The following TMEM132D variants were observed in gnomAD, a reference collection of about 807,000 sequenced individuals.
TMEM132D encodes transmembrane protein 132D.
TMEM132D carries 21 observed loss-of-function variants against 62.3 expected under a neutral mutation model. That is an observed-to-expected ratio of 0.34 (90% CI 0.24 to 0.49). The LOEUF (loss-of-function observed/expected upper bound fraction) is 0.49. Among genes scored for constraint, TMEM132D ranks in the 20% least tolerant of loss-of-function variants. The pLI is 0.99. For missense variants in TMEM132D, 1,346 were observed against 1,402.8 expected, an observed-to-expected ratio of 0.96 and a Z score of 0.65; for synonymous variants, 621 against 575.6, an observed-to-expected ratio of 1.08 and a Z score of -1.13.
At chr12:129,597,234 A>G (rs1412538251) in intron 2 of TMEM132D, among the ~76,000 whole-genome samples, 1 of 152,184 alleles carries the variant, frequency 6.6e-6, no homozygotes, top group East Asian at 1.9e-4. Flanking sequence ...TACAATCAAG[A>G]TAGGAGAGGA....
chr12:129,817,420 T>C (rs1401898543), intron 1 of TMEM132D, among the ~76,000 whole-genome samples: 1 of 150,944 alleles, frequency 6.6e-6, no homozygotes, highest in East Asian at 2.0e-4. Context: ...ATGGAGAGCA[T>C]GGAGAAATAA....
At chr12:129,846,919 C>T (rs548775614) in intron 1 of TMEM132D, among the ~76,000 whole-genome samples, 12 of 152,282 alleles carry the variant, frequency 7.9e-5, no homozygotes, top group Admixed American at 4.6e-4. Flanking sequence ...CATGAGTCGA[C>T]TTCTGCCCCC....
chr12:129,770,361 C>T (rs1365480178), intron 1 of TMEM132D, among the ~76,000 whole-genome samples: 2 of 152,102 alleles, frequency 1.3e-5, no homozygotes, highest in Non-Finnish European at 2.9e-5. Context: ...CCAGGCTGAT[C>T]TCAAACTCCT....
At chr12:129,473,405 C>T (rs1405769494) in intron 3 of TMEM132D, among the ~76,000 whole-genome samples, 2 of 128,754 alleles carry the variant, frequency 1.6e-5, no homozygotes, top group Non-Finnish European at 1.6e-5. Context: ...TCTCGGCTCA[C>T]TGCAACCTCC....
chr12:129,195,219 C>G (rs761193616), intron 5 of TMEM132D, among the ~76,000 whole-genome samples: 2 of 151,888 alleles, frequency 1.3e-5, no homozygotes, highest in African/African-American at 4.8e-5. Context: ...ATCCAGTAGG[C>G]GGGAGAAAGG....
chr12:129,742,330 T>C (rs1165710438), intron 1 of TMEM132D, among the ~76,000 whole-genome samples: 1 of 152,088 alleles, frequency 6.6e-6, no homozygotes, highest in East Asian at 1.9e-4. Context: ...CTCTTCCTCA[T>C]GGTGGAAGGT....
chr12:129,219,545 T>C (rs1483655281), intron 4 of TMEM132D, among the ~76,000 whole-genome samples: 2 of 152,150 alleles, frequency 1.3e-5, no homozygotes, highest in African/African-American at 4.8e-5. Flanking sequence ...ATGGACTCAG[T>C]TGCTCCCATG....
intron 1 of TMEM132D, among the ~76,000 whole-genome samples, chr12:129,746,274 T>A (rs896327660): frequency 2.6e-5 from 4 of 152,206 alleles, no homozygotes; most frequent in African/African-American, 9.6e-5. Context: ...GTCTCATCTT[T>A]ACTGCAATGA....
intron 2 of TMEM132D, among the ~76,000 whole-genome samples, chr12:129,623,543 C>T (rs1238564352): frequency 6.6e-6 from 1 of 151,986 alleles, no homozygotes; most frequent in Non-Finnish European, 1.5e-5. Flanking sequence ...GTTTTCCATT[C>T]TTCACTCAGG....
intron 3 of TMEM132D, among the ~76,000 whole-genome samples, chr12:129,445,935 C>T (rs1391827462): frequency 1.3e-5 from 2 of 152,148 alleles, no homozygotes; most frequent in Non-Finnish European, 2.9e-5. Flanking sequence ...GCAAAGTCCT[C>T]AGCGTATCCC....
chr12:129,816,818 G>A (rs868372329), intron 1 of TMEM132D, among the ~76,000 whole-genome samples: 11 of 152,116 alleles, frequency 7.2e-5, no homozygotes, highest in Non-Finnish European at 1.0e-4. Context: ...TAAAACGAAC[G>A]CAGATGATGT....
chr12:129,082,089 C>A (rs887294757), intron 6 of TMEM132D, 57 bp from the exon 7 acceptor site: 1 of 1,539,620 alleles, frequency 6.5e-7, no homozygotes, highest in Non-Finnish European at 8.7e-7. Context: ...CTGTAAGGGG[C>A]CGTGTGTGGA....
At chr12:129,197,332 G>A (rs1030849854) in intron 5 of TMEM132D, among the ~76,000 whole-genome samples, 3 of 152,110 alleles carry the variant, frequency 2.0e-5, no homozygotes, top group Non-Finnish European at 4.4e-5. Flanking sequence ...GAAGATGAGC[G>A]ATAGAGCAAG....
intron 5 of TMEM132D, among the ~76,000 whole-genome samples, chr12:129,188,791 G>C (rs1878300033): frequency 7.0e-6 from 1 of 142,186 alleles, no homozygotes; most frequent in Admixed American, 7.1e-5. Flanking sequence ...GAGAGAGAGA[G>C]AGAGAGAGAA....
At position 129,903,542 on chromosome 12, in the gene TMEM132D, T is replaced by C. The variant is rs1875444472; in HGVS notation, c.-203A>G. On this transcript the variant is annotated 5_prime_UTR_variant, in exon 1 of 9. Coordinates refer to ENST00000422113, the MANE Select transcript of TMEM132D (RefSeq NM_133448.3). The surrounding 1 kb of genome is among the most constrained non-coding windows in gnomAD (Gnocchi z 6.2). ...GCGACGACCGCGCGGGCTCCTGAGT[T>C]GCTCTCCGGAGTCCAACACGCGCGC... The C allele has an allele frequency of 5.1e-6, 3 of 583,726 alleles. No homozygotes were observed. The highest frequency in any genetic ancestry group is 2.1e-5 in the South Asian group (1 of 47,826). 36.2% of individuals were successfully genotyped at this position (583,726 alleles called of 1,614,324 possible). A position where few individuals can be genotyped will look rare whatever the true frequency, so the allele number is the denominator to read the frequency against.
chr12:129,383,777 A>T (rs562536383), intron 3 of TMEM132D, among the ~76,000 whole-genome samples: 24 of 152,272 alleles, frequency 1.6e-4, no homozygotes, highest in Non-Finnish European at 2.5e-4. Flanking sequence ...ATTTGCCTTG[A>T]TTAGTACAAT....
chr12:129,178,947 AC>A (rs1347088052), intron 5 of TMEM132D, among the ~76,000 whole-genome samples: 1 of 152,156 alleles, frequency 6.6e-6, no homozygotes, highest in Non-Finnish European at 1.5e-5. Context: ...CTCTCGCCAC[AC>A]CCGGGACTCT....
intron 2 of TMEM132D, among the ~76,000 whole-genome samples, chr12:129,547,763 A>G (rs1396138360): frequency 6.6e-6 from 1 of 152,152 alleles, no homozygotes; most frequent in Non-Finnish European, 1.5e-5. Flanking sequence ...ACCCTACTAA[A>G]AGAGTCTTGT....
At chr12:129,450,746 G>A (rs866193865) in intron 3 of TMEM132D, among the ~76,000 whole-genome samples, 2 of 127,608 alleles carry the variant, frequency 1.6e-5, no homozygotes, top group Non-Finnish European at 3.2e-5. Context: ...AGTTTCCATC[G>A]CTTCTTTTTT....
Sources: gnomAD v4.1 joint callset for allele counts (sites outside exome capture counted in the v4.1 genomes callset) on GRCh38, gnomAD v4.1.1 for gene constraint, Gnocchi (gnomAD v3.1) non-coding constraint, MANE v1.5 for transcripts, NCBI Gene and HGNC (gene_info 2026-07-23, HGNC 2026-07-21) for gene names.